The following SLC2A13 variants were observed in gnomAD, a reference collection of about 807,000 sequenced individuals.
SLC2A13 encodes the protein solute carrier family 2 member 13.
SLC2A13 carries 32 observed loss-of-function variants against 64.4 expected under a neutral mutation model. That is an observed-to-expected ratio of 0.50 (90% CI 0.37 to 0.67). The LOEUF is 0.67. SLC2A13 is among the 30% of genes least tolerant of loss of function. The pLI is 0.00. For synonymous variants in SLC2A13, 338 were observed against 327.1 expected (o/e 1.03, Z -0.36); for missense variants, 743 against 829.2 (o/e 0.90, Z 1.28).
chr12:39,816,485 C>A (rs948312189), intron 7 of SLC2A13, among the ~76,000 whole-genome samples: 1 of 150,376 alleles, frequency 6.6e-6, no homozygotes. Flanking sequence ...ATGTAAATGA[C>A]GAGTTAATGG....
intron 3 of SLC2A13, among the ~76,000 whole-genome samples, chr12:40,011,996 G>A (rs1947539785): frequency 6.6e-6 from 1 of 152,056 alleles, no homozygotes; most frequent in African/African-American, 2.4e-5. Flanking sequence ...GTTACAACCT[G>A]GGATTCCTGT....
At chr12:40,077,393 AT>A (rs1336546573) in intron 1 of SLC2A13, among the ~76,000 whole-genome samples, 1 of 152,164 alleles carries the variant, frequency 6.6e-6, no homozygotes, top group African/African-American at 2.4e-5. Context: ...TTCAAACACC[AT>A]TTATTAAATA....
At chr12:39,935,958 C>T (rs896574343) in intron 4 of SLC2A13, among the ~76,000 whole-genome samples, 1 of 149,158 alleles carries the variant, frequency 6.7e-6, no homozygotes, top group African/African-American at 2.5e-5. Flanking sequence ...TAGCTTTACA[C>T]ACCCTTCTTT....
intron 3 of SLC2A13, among the ~76,000 whole-genome samples, chr12:39,971,975 T>C (rs1946653150): frequency 9.9e-6 from 1 of 100,722 alleles, no homozygotes; most frequent in African/African-American, 3.6e-5. Flanking sequence ...GGAGCAAGAG[T>C]GTCTCCAGAA....
Position 40,105,559 on chromosome 12 carries a change from C to A in SLC2A13, c.250G>T (p.Val84Leu), listed in dbSNP as rs1377869585. The change falls in exon 1 of 10, where the codon GTG becomes TTG. Residue 84 changes from valine to leucine, a missense_variant. By Grantham distance (32) the Val-to-Leu change is conservative (BLOSUM62 1). Coordinates refer to ENST00000280871, the MANE Select transcript of SLC2A13 (RefSeq NM_052885.4). The surrounding 1 kb of genome is among the most constrained non-coding windows in gnomAD (Gnocchi z 4.2). The part of the protein sequence containing the change: ...QDETPAFVYV[V>L]AVFSALGGFL... ...CCGCCCAGCGCGGAGAAGACGGCCA[C>A]CACGTACACGAAGGCGGGGGTCTCG... is the stretch of plus-strand genomic sequence containing the variant. 2 of 1,576,960 alleles carry A rather than the reference C, an allele frequency of 1.3e-6. No individual in the cohort carries two copies. The highest frequency in any genetic ancestry group is 4.8e-5 in the East Asian group (2 of 41,940).
At chr12:39,993,077 A>G (rs1453940602) in intron 3 of SLC2A13, among the ~76,000 whole-genome samples, 1 of 152,224 alleles carries the variant, frequency 6.6e-6, no homozygotes, top group East Asian at 1.9e-4. Context: ...AACAAAACTG[A>G]AGATGCATCT....
intron 1 of SLC2A13, among the ~76,000 whole-genome samples, chr12:40,099,065 G>A (rs1328514476): frequency 1.3e-5 from 2 of 152,224 alleles, no homozygotes; most frequent in Non-Finnish European, 2.9e-5. Context: ...ATTTCAAATG[G>A]TGGCCTTTAA....
chr12:39,797,443 A>G (rs146852363), intron 7 of SLC2A13, among the ~76,000 whole-genome samples: 2,607 of 152,222 alleles, frequency 0.017, 27 homozygotes, highest in Middle Eastern at 0.037. Flanking sequence ...ATGGTTTTCT[A>G]TTTTCATAAA....
At chr12:39,863,582 A>G (rs1301417232) in intron 6 of SLC2A13, among the ~76,000 whole-genome samples, 1 of 152,206 alleles carries the variant, frequency 6.6e-6, no homozygotes, top group Non-Finnish European at 1.5e-5. Context: ...GAAAAAGAAA[A>G]GTAGAATATG....
At chr12:39,833,319 T>G (rs1281181863) in intron 6 of SLC2A13, among the ~76,000 whole-genome samples, 1 of 152,062 alleles carries the variant, frequency 6.6e-6, no homozygotes, top group Admixed American at 6.6e-5. Flanking sequence ...AACACCTATA[T>G]AGATCCCCTG....
In SLC2A13 at chr12:39,758,166, C is replaced by A. The variant is rs1940018788; in HGVS notation, c.*1860G>T. On this transcript the variant is annotated 3_prime_UTR_variant, in exon 10 of 10. Transcript: ENST00000280871. ...TAAAGCACCTAATTCAAGGAAAAAA[C>A]CTCTATAAAATATTAATTTTTTTTA... 3 of 151,338 alleles carry A rather than the reference C, an allele frequency of 2.0e-5. No individual in the cohort carries two copies. The highest frequency in any genetic ancestry group is 2.0e-4 in the Admixed American group (3 of 15,152). The allele number at this position is 151,338 out of a possible 1,614,324, so 9.4% of individuals were successfully genotyped here. A position where few individuals can be genotyped will look rare whatever the true frequency, so the allele number is the denominator to read the frequency against.
chr12:39,800,484 C>A (rs916727459), intron 7 of SLC2A13, among the ~76,000 whole-genome samples: 10 of 134,334 alleles, frequency 7.4e-5, no homozygotes, highest in Non-Finnish European at 1.3e-4. Context: ...AGCCAAAAAA[C>A]ACATGAAGAA....
At chr12:40,019,785 A>G (rs1379750013) in intron 3 of SLC2A13, among the ~76,000 whole-genome samples, 1 of 152,184 alleles carries the variant, frequency 6.6e-6, no homozygotes, top group Non-Finnish European at 1.5e-5. Flanking sequence ...ATCATTTTCA[A>G]GGAAGTACCT....
chr12:39,981,482 G>A (rs1946896453), intron 3 of SLC2A13, among the ~76,000 whole-genome samples: 1 of 150,656 alleles, frequency 6.6e-6, no homozygotes, highest in South Asian at 2.1e-4. Flanking sequence ...AATAAAAAAT[G>A]ATAAAGGGGA....
intron 2 of SLC2A13, among the ~76,000 whole-genome samples, chr12:40,046,906 C>CTT (rs146609362): frequency 2.1e-5 from 3 of 144,938 alleles, no homozygotes; most frequent in South Asian, 2.2e-4. Flanking sequence ...TTCTTTCTTT[C>CTT]TTTTTTTTTT....
At chr12:39,772,005 C>A (rs888095858) in intron 7 of SLC2A13, among the ~76,000 whole-genome samples, 1 of 152,146 alleles carries the variant, frequency 6.6e-6, no homozygotes, top group African/African-American at 2.4e-5. Flanking sequence ...TACCTCATCA[C>A]CCAAGGCCTG....
At chr12:39,922,266 A>G (rs1945627327) in intron 4 of SLC2A13, among the ~76,000 whole-genome samples, 1 of 152,174 alleles carries the variant, frequency 6.6e-6, no homozygotes, top group South Asian at 2.1e-4. Flanking sequence ...ATCTTTTCTG[A>G]TGTAACATCT....
intron 3 of SLC2A13, among the ~76,000 whole-genome samples, chr12:39,979,386 G>A (rs996324696): frequency 0.027 from 3,984 of 146,386 alleles, 178 homozygotes; most frequent in African/African-American, 0.095. Context: ...AGCTACGGGA[G>A]GACATTCAAA....
intron 3 of SLC2A13, among the ~76,000 whole-genome samples, chr12:40,004,070 T>C (rs1296482458): frequency 1.3e-5 from 2 of 152,130 alleles, no homozygotes; most frequent in Non-Finnish European, 2.9e-5. Flanking sequence ...TAAAAAAAGA[T>C]AGTATAACAA....
Sources: gnomAD v4.1 joint callset for allele counts (sites outside exome capture counted in the v4.1 genomes callset) on GRCh38, gnomAD v4.1.1 for gene constraint, Gnocchi (gnomAD v3.1) non-coding constraint, MANE v1.5 for transcripts, NCBI Gene and HGNC (gene_info 2026-07-23, HGNC 2026-07-21) for gene names.